The following DHTKD1 variants were observed in gnomAD, a reference collection of about 807,000 sequenced individuals.
DHTKD1 encodes 2-oxoadipate dehydrogenase complex component E1.
Under a neutral mutation model 101.8 loss-of-function variants are expected in DHTKD1, and 78 were observed. The observed-to-expected ratio is 0.77, with a 90% CI of 0.64 to 0.93. The LOEUF (loss-of-function observed/expected upper bound fraction) is 0.93. DHTKD1 is among the 40% of genes least tolerant of loss of function. The pLI, the probability that DHTKD1 is intolerant of heterozygous loss-of-function variation, is 0.00. For synonymous variants in DHTKD1, 462 were observed against 450.3 expected, an observed-to-expected ratio of 1.03 and a Z score of -0.33; for missense variants, 1,223 against 1,161.7, an observed-to-expected ratio of 1.05 and a Z score of -0.77.
chr10:12,075,226 C>CTGGAT (rs1832707525), intron 1 of DHTKD1, among the ~76,000 whole-genome samples: 2 of 152,188 alleles, frequency 1.3e-5, no homozygotes, highest in South Asian at 4.1e-4. Flanking sequence ...GTCACCCAGG[C>CTGGAT]TGGAGTGCAG....
At chr10:12,074,162 A>G (rs1236042511) in intron 1 of DHTKD1, among the ~76,000 whole-genome samples, 1 of 147,070 alleles carries the variant, frequency 6.8e-6, no homozygotes, top group Admixed American at 7.1e-5. Context: ...GCAGTAATAG[A>G]AAGTTTTGCT....
At chr10:12,113,696 C>T (rs7899595) in intron 13 of DHTKD1, among the ~76,000 whole-genome samples, 23,768 of 151,964 alleles carry the variant, frequency 0.16, 2,149 homozygotes, top group African/African-American at 0.26. Context: ...GAGGCCTAGG[C>T]AAGAGGATTG....
In DHTKD1 at chr10:12,087,647, G is replaced by A. The variant is rs141891410; in HGVS notation, c.635G>A (p.Ser212Asn). The A allele has an allele frequency of 2.5e-6, 4 of 1,613,958 alleles. No individual in the cohort carries two copies. The highest frequency in any genetic ancestry group is 3.4e-6 in the Non-Finnish European group (4 of 1,180,004). ...GAGCTGCTGAAAATGTCGGCCTACA[G>A]CGGGATCACTGATGTCATTATTGGG... ...FHELLKMSAY[S>N]GITDVIIGMP... is the part of the protein sequence containing the mutation. The change falls in exon 4 of 17, where the codon AGC (serine) becomes AAC (asparagine). Residue 212 changes from serine (S) to asparagine (N), a missense_variant. Coordinates refer to ENST00000263035, the MANE Select transcript of DHTKD1 (RefSeq NM_018706.7). This position sits in a 1 kb window ranked among gnomAD's most constrained non-coding sequence, Gnocchi z 5.2.
At chr10:12,105,626 A>T (rs1332855615) in intron 10 of DHTKD1, among the ~76,000 whole-genome samples, 2 of 152,172 alleles carry the variant, frequency 1.3e-5, no homozygotes, top group African/African-American at 2.4e-5. Flanking sequence ...TGAAAAGCTT[A>T]TAAGACGCAG....
In DHTKD1 at chr10:12,094,161, A is replaced by G. The variant is rs771115245; in HGVS notation, c.1248A>G (p.Gln416=). 9 of 1,614,086 alleles carry G rather than the reference A, an allele frequency of 5.6e-6. No homozygotes were observed. Among genetic ancestry groups the G allele is most frequent in the Admixed American group, 1.7e-5 (1 of 60,000 alleles). The change falls in exon 7 of 17, where the codon CAA becomes CAG. Residue 416 remains glutamine, a synonymous_variant. Coordinates refer to ENST00000263035, the MANE Select transcript of DHTKD1 (RefSeq NM_018706.7). ...CCACACGACTGGCTTTTGAATACCAACGCCAGTTCCGCAAGGATGTGATTA... is the reference window on the plus strand; with the variant it reads ...CCACACGACTGGCTTTTGAATACCAGCGCCAGTTCCGCAAGGATGTGATTA... ...VRATRLAFEY[Q]RQFRKDVIID...
rs976262238 is a variant in DHTKD1 at position 12,123,071 on chromosome 10, A to G, written c.*2183A>G. 2.6e-5 allele frequency: 4 copies of G among 152,216 alleles called. No individual in the cohort carries two copies. Among genetic ancestry groups the G allele is most frequent in the African/African-American group, 9.6e-5 (4 of 41,458 alleles). The allele number at this position is 152,216 out of a possible 1,614,324, so 9.4% of individuals were successfully genotyped here. On this transcript the variant is annotated 3_prime_UTR_variant, in exon 17 of 17. Transcript: ENST00000263035. ...CTTTTCTTACCATATACCTCAGTGT[A>G]TCCTTCCTGTGTCAAGCCTTATAAA...
chr10:12,088,249 G>A (rs1488753686), intron 4 of DHTKD1, among the ~76,000 whole-genome samples: 1 of 152,150 alleles, frequency 6.6e-6, no homozygotes, highest in African/African-American at 2.4e-5. Flanking sequence ...CTTGAGCCCA[G>A]GAGTTCAAGA....
At position 12,117,670 on chromosome 10, in the gene DHTKD1, T is replaced by C; in HGVS notation, c.2320-3T>C. On this transcript the variant is annotated splice_polypyrimidine_tract_variant and splice_region_variant and intron_variant, in intron 13 of 16. Transcript: ENST00000263035. ...TGGATGTGTGGCCTCTTCTCCCTCGTAGGCAGCCGTGTCAACTCTTCAAGA... is the reference window on the plus strand; with the variant it reads ...TGGATGTGTGGCCTCTTCTCCCTCGCAGGCAGCCGTGTCAACTCTTCAAGA... The C allele has an allele frequency of 6.3e-7, 1 of 1,583,422 alleles. No individual in the cohort carries two copies. Among genetic ancestry groups the C allele is most frequent in the African/African-American group, 1.4e-5 (1 of 73,982 alleles).
At position 12,106,423 on chromosome 10, in the gene DHTKD1, C is replaced by T. The variant is rs200427486; in HGVS notation, c.2047+27C>T. The stretch of plus-strand genomic sequence containing the variant: ...TTGGTGTCAGCGTATAGGGTGGGTA[C>T]AGGTGGGGGTCCCTGCGTGGCCCCA... On this transcript the variant is annotated intron_variant, in intron 11 of 16. Coordinates refer to ENST00000263035, the MANE Select transcript of DHTKD1 (RefSeq NM_018706.7). 1.4e-3 allele frequency: 2,253 copies of T among 1,612,712 alleles called. 46 individuals are homozygous for T. The South Asian group carries it at 0.023, about 17-fold the overall frequency.
At chr10:12,086,267 C>A (rs1326901805) in intron 3 of DHTKD1, among the ~76,000 whole-genome samples, 9 of 131,696 alleles carry the variant, frequency 6.8e-5, no homozygotes, top group Non-Finnish European at 1.4e-4. Context: ...GTCGCCCAGG[C>A]TGGAGTGCAG....
At chr10:12,118,176 C>T (rs1351619131) in intron 14 of DHTKD1, among the ~76,000 whole-genome samples, 1 of 151,746 alleles carries the variant, frequency 6.6e-6, no homozygotes, top group African/African-American at 2.4e-5. Context: ...AGGCGTGAGC[C>T]ACCATGCCTG....
At chr10:12,088,773 C>T (rs1045941816) in intron 4 of DHTKD1, among the ~76,000 whole-genome samples, 6 of 151,882 alleles carry the variant, frequency 4.0e-5, no homozygotes, top group East Asian at 1.9e-4. Context: ...TTAATAGAGA[C>T]GGGGTTTCAC....
chr10:12,096,104 C>T (rs1240988691), intron 7 of DHTKD1, among the ~76,000 whole-genome samples: 1 of 152,092 alleles, frequency 6.6e-6, no homozygotes, highest in Non-Finnish European at 1.5e-5. Context: ...TCATGGCTTG[C>T]ATTTCATTTC....
At chr10:12,071,509 T>C (rs1439338414) in intron 1 of DHTKD1, among the ~76,000 whole-genome samples, 2 of 152,044 alleles carry the variant, frequency 1.3e-5, no homozygotes, top group Admixed American at 6.6e-5. Context: ...CGGTGGCTCA[T>C]GCCTGTAATC....
At chr10:12,076,163 T>G (rs1341495757) in intron 1 of DHTKD1, among the ~76,000 whole-genome samples, 2 of 152,240 alleles carry the variant, frequency 1.3e-5, no homozygotes, top group Non-Finnish European at 2.9e-5. Context: ...AGGCAGCAAG[T>G]CCGCTAAATG....
intron 1 of DHTKD1, among the ~76,000 whole-genome samples, chr10:12,069,443 C>T (rs1832617123): frequency 6.6e-6 from 1 of 151,880 alleles, no homozygotes; most frequent in Non-Finnish European, 1.5e-5. Flanking sequence ...TGGTCCGGAC[C>T]TGGTTTCGGA....
At chr10:12,082,632 A>G (rs1378012131) in intron 2 of DHTKD1, among the ~76,000 whole-genome samples, 2 of 145,304 alleles carry the variant, frequency 1.4e-5, no homozygotes, top group African/African-American at 5.1e-5. Flanking sequence ...TTTTTTTGAG[A>G]CGGGCCTCCA....
rs188660737 is a variant in DHTKD1, at chr10:12,117,213, T to C, written c.2320-460T>C. 3.2e-3 allele frequency among the ~76,000 whole-genome samples: 485 copies of C among 152,176 alleles called. 8 individuals are homozygous for C. Among genetic ancestry groups the C allele is most frequent in the African/African-American group, 0.011 (465 of 41,516 alleles). On this transcript the variant is annotated intron_variant, in intron 13 of 16. Coordinates refer to ENST00000263035, the MANE Select transcript of DHTKD1 (RefSeq NM_018706.7). The stretch of plus-strand genomic sequence containing the variant: ...TTTGTAGAGATGGGATTTCACCATG[T>C]TGGCCAGGCTGGTCTCAAACTCCTG...
chr10:12,105,728 A>G (rs1833236239), intron 10 of DHTKD1, among the ~76,000 whole-genome samples: 1 of 152,114 alleles, frequency 6.6e-6, no homozygotes, highest in Non-Finnish European at 1.5e-5. Context: ...AGCCTCTTTT[A>G]TCTTTTCCTC....
Sources: allele counts gnomAD v4.1 joint callset (sites outside exome capture counted in the v4.1 genomes callset), GRCh38; gene constraint gnomAD v4.1.1; non-coding constraint Gnocchi (gnomAD v3.1); transcripts MANE v1.5; gene names NCBI Gene and HGNC (gene_info 2026-07-23, HGNC 2026-07-21).